Variants in SERPINA9 observed in about 807,000 individuals in gnomAD.
The protein encoded by SERPINA9 is serpin family A member 9, also known as serpin A9.
SERPINA9 carries 32 observed loss-of-function variants against 24.5 expected under a neutral mutation model. That is an observed-to-expected ratio of 1.30 (90% CI 0.98 to 1.75). The LOEUF (loss-of-function observed/expected upper bound fraction) is 1.75, where lower values mean the gene tolerates loss of function less well. Among genes scored for constraint, SERPINA9 ranks in the 40% most tolerant of loss-of-function variants. The pLI is 0.00. For missense variants in SERPINA9, 594 were observed against 497.1 expected (o/e 1.19, Z -1.85); for synonymous variants, 233 against 197.7 (o/e 1.18, Z -1.50).
rs769482207 is a variant in SERPINA9 at position 94,464,740 on chromosome 14, T to G, written c.1017A>C (p.Gly339=). ...CCTGCAGGGAGTCTCTCTTTGCAAT[T>G]CCAGAAAAATCAGCATTTTTGTCAA... ...NVFDKNADFS[G]IAKRDSLQVS... The change falls in exon 4 of 5, where the codon GGA becomes GGC. Residue 339 remains glycine (G), a synonymous_variant. Coordinates refer to ENST00000674397, the MANE Select transcript of SERPINA9 (RefSeq NM_175739.4). The G allele has an allele frequency of 6.2e-7, 1 of 1,613,898 alleles. No individual in the cohort carries two copies. The highest frequency in any genetic ancestry group is 1.7e-5 in the Admixed American group (1 of 59,996).
chr14:94,471,117 C>T (rs1290914032), intron 1 of SERPINA9, among the ~76,000 whole-genome samples: 1 of 140,584 alleles, frequency 7.1e-6, no homozygotes, highest in Non-Finnish European at 1.5e-5. Context: ...CCCCATCATC[C>T]TTTTCACAAG....
At chr14:94,471,079 T>A (rs1360192109) in intron 1 of SERPINA9, among the ~76,000 whole-genome samples, 1 of 150,810 alleles carries the variant, frequency 6.6e-6, no homozygotes, top group Non-Finnish European at 1.5e-5. Context: ...ATTTTATAAT[T>A]TCCCCCCCAT....
intron 2 of SERPINA9, among the ~76,000 whole-genome samples, chr14:94,468,311 C>T (rs141903693): frequency 1.8e-4 from 28 of 151,680 alleles, no homozygotes; most frequent in South Asian, 8.3e-4. Flanking sequence ...GTTGGTTAGG[C>T]GCATGCCTGG....
At chr14:94,464,316 TC>T in intron 4 of SERPINA9, 1 of 216,596 alleles carries the variant, frequency 4.6e-6, no homozygotes. Flanking sequence ...TCTCTCTCTC[TC>T]TCCTTACACA....
intron 3 of SERPINA9, 116 bp downstream of exon 3, chr14:94,466,993 G>T: frequency 8.5e-7 from 1 of 1,176,328 alleles, no homozygotes; most frequent in Non-Finnish European, 1.2e-6. Context: ...CCTGCATGCA[G>T]TTGGTGCTCA....
At chr14:94,475,976 G>A in intron 1 of SERPINA9, 160 bp downstream of exon 1, 1 of 1,033,476 alleles carries the variant, frequency 9.7e-7, no homozygotes, top group East Asian at 2.4e-5. Context: ...CCACAAAAAT[G>A]TGACCCAGAT....
intron 1 of SERPINA9, chr14:94,475,776 G>A (rs536872879): frequency 1.7e-5 from 6 of 345,124 alleles, no homozygotes; most frequent in African/African-American, 4.2e-5. Context: ...AGTCTTGCTC[G>A]TTAAGACAAA....
chr14:94,464,611 G>GAAATAAGA (rs1898905991), intron 4 of SERPINA9, 96 bp downstream of exon 4: 1 of 1,073,524 alleles, frequency 9.3e-7, no homozygotes, highest in Non-Finnish European at 1.4e-6. Context: ...TCACCTTTCA[G>GAAATAAGA]GCCTCTGTTT....
At chr14:94,469,059 G>A (rs1395402345) in intron 2 of SERPINA9, among the ~76,000 whole-genome samples, 154 bp downstream of exon 2, 1 of 152,148 alleles carries the variant, frequency 6.6e-6, no homozygotes, top group East Asian at 1.9e-4. Flanking sequence ...CCTAGGTCCT[G>A]CAGCCAGCTA....
At chr14:94,475,755 G>A (rs533270790) in intron 1 of SERPINA9, among the ~76,000 whole-genome samples, 3 of 152,212 alleles carry the variant, frequency 2.0e-5, no homozygotes, top group East Asian at 1.9e-4. Flanking sequence ...TGTTAGTTTG[G>A]AAACTGTTCA....
At chr14:94,464,521 G>T (rs978285776) in intron 4 of SERPINA9, 186 bp downstream of exon 4, 20 of 572,090 alleles carry the variant, frequency 3.5e-5, no homozygotes, top group Non-Finnish European at 5.5e-5. Flanking sequence ...TGTGAAGAGG[G>T]ATAACAGATG....
chr14:94,472,398 C>T (rs968157862), intron 1 of SERPINA9, among the ~76,000 whole-genome samples: 5 of 152,222 alleles, frequency 3.3e-5, no homozygotes, highest in African/African-American at 1.2e-4. Context: ...CCTGGCTCCC[C>T]TCTCCTGTTG....
intron 1 of SERPINA9, among the ~76,000 whole-genome samples, chr14:94,473,925 A>C (rs546406695): frequency 8.5e-5 from 13 of 152,376 alleles, no homozygotes; most frequent in Non-Finnish European, 7.3e-5. Flanking sequence ...AGTTCTGAGG[A>C]AGGGCGAGAC....
chr14:94,467,528 T>C (rs1899067562), intron 2 of SERPINA9, 146 bp from the exon 3 acceptor site: 2 of 672,392 alleles, frequency 3.0e-6, no homozygotes, highest in Admixed American at 3.2e-5. Context: ...CACAGCGGAG[T>C]AGTTGCCCAA....
At chr14:94,470,445 A>G (rs188101366) in intron 1 of SERPINA9, among the ~76,000 whole-genome samples, 2 of 152,246 alleles carry the variant, frequency 1.3e-5, no homozygotes, top group African/African-American at 4.8e-5. Flanking sequence ...TCAGTTGCTG[A>G]TGAGCTGCAG....
intron 1 of SERPINA9, among the ~76,000 whole-genome samples, chr14:94,475,724 C>T (rs1376695787): frequency 6.6e-6 from 1 of 152,166 alleles, no homozygotes; most frequent in Non-Finnish European, 1.5e-5. Flanking sequence ...CTTAAACACT[C>T]CCTCTCAAGC....
rs1899640948 is a variant in SERPINA9 at position 94,476,152 on chromosome 14, T to C, written c.-34A>G. 2 of 1,614,016 alleles carry C rather than the reference T, an allele frequency of 1.2e-6. No homozygotes were observed. The highest frequency in any genetic ancestry group is 1.3e-5 in the African/African-American group (1 of 74,902). On this transcript the variant is annotated 5_prime_UTR_variant, in exon 1 of 5. Transcript: ENST00000674397. ...CTTACCCACCTTTGCAGGTTCCTCTTCTCCTGCCCTGTCCTTGCATGGTTG... is the reference window on the plus strand; with the variant it reads ...CTTACCCACCTTTGCAGGTTCCTCTCCTCCTGCCCTGTCCTTGCATGGTTG...
At position 94,467,147 on chromosome 14, in the gene SERPINA9, G is replaced by C; in HGVS notation, c.864C>G (p.Ala288=). ...AGTGGCTCCACTTTCTCAGTGTTCT[G>C]GCTGACAAGGCCTGTTCCAGTTGCC... is the stretch of plus-strand genomic sequence containing the variant. ...KMRQLEQALS[A]RTLRKWSHSL... The change falls in exon 3 of 5, where the codon GCC becomes GCG. Residue 288 remains alanine (A), a synonymous_variant. Coordinates refer to ENST00000674397, the MANE Select transcript of SERPINA9 (RefSeq NM_175739.4). 1.9e-6 allele frequency: 3 copies of C among 1,614,140 alleles called. No homozygotes were observed. The highest frequency in any genetic ancestry group is 2.5e-6 in the Non-Finnish European group (3 of 1,180,008).
chr14:94,465,566 C>G (rs1004598853), intron 3 of SERPINA9, among the ~76,000 whole-genome samples: 26 of 152,092 alleles, frequency 1.7e-4, no homozygotes, highest in Admixed American at 2.6e-4. Context: ...CTCACTCTGT[C>G]GCTCAGGCTG....
Sources: gnomAD v4.1 joint callset for allele counts (sites outside exome capture counted in the v4.1 genomes callset) on GRCh38, gnomAD v4.1.1 for gene constraint, MANE v1.5 for transcripts, NCBI Gene and HGNC (gene_info 2026-07-23, HGNC 2026-07-21) for gene names.